TRERF1: variants seen among roughly 807,000 people sequenced by gnomAD.
TRERF1 encodes transcriptional regulating factor 1, also known as transcriptional-regulating factor 1.
A neutral mutation model predicts 122.9 loss-of-function variants in TRERF1; 27 were observed. The observed-to-expected ratio is 0.22, with a 90% CI of 0.16 to 0.30. TRERF1 has a LOEUF of 0.30. Ranked by LOEUF, TRERF1 falls within the 10% of genes least tolerant of loss-of-function variation. The pLI, the probability that TRERF1 is intolerant of heterozygous loss-of-function variation, is 1.00. For synonymous variants in TRERF1, 636 were observed against 641.7 expected (o/e 0.99, Z 0.13); for missense variants, 1,248 against 1,560.3 (o/e 0.80, Z 3.37).
At chr6:42,324,372 A>T (rs1295305587) in intron 3 of TRERF1, among the ~76,000 whole-genome samples, 1 of 152,222 alleles carries the variant, frequency 6.6e-6, no homozygotes, top group Non-Finnish European at 1.5e-5. Context: ...CAAATGGCCA[A>T]CATCATTTTT....
At chr6:42,255,375 G>A (rs1238863105) in intron 12 of TRERF1, among the ~76,000 whole-genome samples, 2 of 152,248 alleles carry the variant, frequency 1.3e-5, no homozygotes, top group Non-Finnish European at 2.9e-5. Flanking sequence ...TCCTTCCAGA[G>A]AGCCTAGCTA....
intron 3 of TRERF1, among the ~76,000 whole-genome samples, chr6:42,358,031 C>T (rs1413909388): frequency 6.6e-6 from 1 of 152,082 alleles, no homozygotes; most frequent in Non-Finnish European, 1.5e-5. Flanking sequence ...CACAAGCACC[C>T]CTTCCTTTCT....
At position 42,263,622 on chromosome 6, in the gene TRERF1, G is replaced by T. The variant is rs1321679838; in HGVS notation, c.1636-54C>A. On this transcript the variant is annotated intron_variant, in intron 7 of 17. Transcript: ENST00000372922. The surrounding 1 kb of genome is among the most constrained non-coding windows in gnomAD (Gnocchi z 5.6). ...GGGCTGAGAGCAGCTCTCACAAGGG[G>T]GATGCACTTTGCTTTTCCCGAAAGG... 28 of 1,422,806 alleles carry T rather than the reference G, an allele frequency of 2.0e-5. No individual in the cohort carries two copies. The highest frequency in any genetic ancestry group is 9.2e-7 in the Non-Finnish European group (1 of 1,082,298). 88.1% of individuals were successfully genotyped at this position (1,422,806 alleles called of 1,614,324 possible).
chr6:42,232,931 G>C lies in TRERF1; in HGVS notation c.3067-39C>G. 1 of 1,536,252 alleles carries C rather than the reference G, an allele frequency of 6.5e-7. No individual in the cohort carries two copies. The highest frequency in any genetic ancestry group is 8.8e-7 in the Non-Finnish European group (1 of 1,135,738). Reference sequence around the variant, plus strand: ...GGAGTGACATGACATCTACAGTCCTGAAAAGGAAATTAGGGTTATTAGTTA... The same window carrying C: ...GGAGTGACATGACATCTACAGTCCTCAAAAGGAAATTAGGGTTATTAGTTA... On this transcript the variant is annotated intron_variant, in intron 16 of 17. Coordinates refer to ENST00000372922, the Ensembl canonical transcript of TRERF1. The surrounding 1 kb of genome is among the most constrained non-coding windows in gnomAD (Gnocchi z 4.5).
intron 2 of TRERF1, among the ~76,000 whole-genome samples, chr6:42,419,497 T>C (rs539008592): frequency 2.6e-5 from 4 of 152,000 alleles, no homozygotes; most frequent in Admixed American, 6.6e-5. Flanking sequence ...TCCCCCAACA[T>C]GTGCCAACAA....
rs1425995654 is a variant in TRERF1, at chr6:42,263,550, G to A, written c.1654C>T (p.Leu552=). The A allele has an allele frequency of 6.5e-7, 1 of 1,542,674 alleles. No homozygotes were observed. The highest frequency in any genetic ancestry group is 8.7e-7 in the Non-Finnish European group (1 of 1,144,218). Residue 552 remains leucine, a synonymous_variant, in exon 8 of 18, where the codon CTG becomes TTG. Transcript: ENST00000372922. This position sits in a 1 kb window ranked among gnomAD's most constrained non-coding sequence, Gnocchi z 5.6. ...AGTGGTGGCTGGGGCTGAGGCGGCA[G>A]GACCTTCTCTCCTTCCTCCTACACA... is the stretch of plus-strand genomic sequence containing the variant.
chr6:42,341,799 T>C (rs1767343010), intron 3 of TRERF1, among the ~76,000 whole-genome samples: 2 of 152,200 alleles, frequency 1.3e-5, no homozygotes, highest in African/African-American at 2.4e-5. Flanking sequence ...ACAAGAACAC[T>C]AAACATTTCT....
intron 4 of TRERF1, among the ~76,000 whole-genome samples, chr6:42,270,847 A>G (rs1036776690): frequency 7.1e-6 from 1 of 141,202 alleles, no homozygotes; most frequent in African/African-American, 2.7e-5. Flanking sequence ...ATCTTGGCTC[A>G]CTGCAACCTC....
chr6:42,387,355 G>A (rs1056622790), intron 2 of TRERF1, among the ~76,000 whole-genome samples: 20 of 152,214 alleles, frequency 1.3e-4, no homozygotes, highest in South Asian at 2.1e-4. Flanking sequence ...CCTAAGGGCC[G>A]AGAAGCTCCA....
intron 2 of TRERF1, among the ~76,000 whole-genome samples, chr6:42,435,368 G>C (rs1785158128): frequency 6.6e-6 from 1 of 152,074 alleles, no homozygotes; most frequent in Non-Finnish European, 1.5e-5. Flanking sequence ...CATGTATACA[G>C]AGCCGAGTGC....
At chr6:42,339,413 T>C (rs1766820087) in intron 3 of TRERF1, among the ~76,000 whole-genome samples, 1 of 152,134 alleles carries the variant, frequency 6.6e-6, no homozygotes. Flanking sequence ...CACAATATAA[T>C]AGCAGGGTCG....
At chr6:42,375,160 T>C (rs1425143963) in intron 2 of TRERF1, among the ~76,000 whole-genome samples, 1 of 152,114 alleles carries the variant, frequency 6.6e-6, no homozygotes, top group Non-Finnish European at 1.5e-5. Flanking sequence ...TTCTTCCAAG[T>C]CCATCACACA....
intron 15 of TRERF1, among the ~76,000 whole-genome samples, 157 bp from the exon 16 acceptor site, chr6:42,236,568 G>A (rs532538026): frequency 1.3e-5 from 2 of 152,286 alleles, no homozygotes; most frequent in Admixed American, 6.5e-5. Context: ...CCTGTTAGGC[G>A]TGATCCTCAA....
chr6:42,403,618 G>A (rs866471386), intron 2 of TRERF1, among the ~76,000 whole-genome samples: 20 of 152,186 alleles, frequency 1.3e-4, no homozygotes, highest in African/African-American at 4.8e-4. Flanking sequence ...CTGTTGCTTT[G>A]AGTCATCCGG....
intron 3 of TRERF1, among the ~76,000 whole-genome samples, chr6:42,354,536 C>T (rs1770136020): frequency 6.6e-6 from 1 of 152,044 alleles, no homozygotes; most frequent in South Asian, 2.1e-4. Context: ...TTTAATCCAT[C>T]TGTAATTCAT....
chr6:42,289,451 T>C (rs575068269), intron 4 of TRERF1, among the ~76,000 whole-genome samples: 9 of 151,962 alleles, frequency 5.9e-5, no homozygotes, highest in African/African-American at 2.2e-4. Context: ...CAAGGCCAGA[T>C]GATACATATT....
chr6:42,437,138 G>A (rs976344738), intron 2 of TRERF1, among the ~76,000 whole-genome samples: 3 of 152,036 alleles, frequency 2.0e-5, no homozygotes, highest in African/African-American at 4.8e-5. Context: ...CTCAGGAAAC[G>A]GAGGTTCAGG....
intron 2 of TRERF1, among the ~76,000 whole-genome samples, chr6:42,439,965 T>C (rs1282041707): frequency 1.3e-5 from 2 of 152,218 alleles, no homozygotes; most frequent in Non-Finnish European, 2.9e-5. Context: ...TCCTCTTATT[T>C]GTCCTGGCAT....
At chr6:42,301,898 A>G (rs904988478) in intron 3 of TRERF1, among the ~76,000 whole-genome samples, 2 of 152,224 alleles carry the variant, frequency 1.3e-5, no homozygotes, top group Non-Finnish European at 2.9e-5. Flanking sequence ...CACTCTCTGG[A>G]CTATAAAAAG....
Sources: allele counts gnomAD v4.1 joint callset (sites outside exome capture counted in the v4.1 genomes callset), GRCh38; gene constraint gnomAD v4.1.1; non-coding constraint Gnocchi (gnomAD v3.1); transcripts MANE v1.5; gene names NCBI Gene and HGNC (gene_info 2026-07-23, HGNC 2026-07-21).